Variants in MAP4 observed in about 807,000 individuals in gnomAD.
The protein encoded by MAP4 is microtubule-associated protein 4.
MAP4 carries 76 observed loss-of-function variants against 170.2 expected under a neutral mutation model. The ratio of observed to expected loss-of-function variants is 0.45; its 90% CI spans 0.37 to 0.54. MAP4 has a LOEUF of 0.54. Among genes scored for constraint, MAP4 ranks in the 20% least tolerant of loss-of-function variants. The probability of loss-of-function intolerance (pLI) is 0.00; values close to 1 mark genes in which losing one functional copy is unlikely to be tolerated. For missense variants in MAP4, 2,506 were observed against 2,748.0 expected (o/e 0.91, Z 1.97); for synonymous variants, 909 against 994.5 (o/e 0.91, Z 1.62).
intron 1 of MAP4, among the ~76,000 whole-genome samples, chr3:48,010,376 A>G (rs1252304114): frequency 3.9e-5 from 6 of 152,222 alleles, no homozygotes; most frequent in South Asian, 4.1e-4. Flanking sequence ...CACATGTACT[A>G]ATATCTTCAC....
intron 1 of MAP4, among the ~76,000 whole-genome samples, chr3:48,065,545 C>CTAAA (rs779656114): frequency 3.3e-5 from 5 of 152,212 alleles, no homozygotes; most frequent in Non-Finnish European, 5.9e-5. Flanking sequence ...CCTCTCCAAT[C>CTAAA]TAAACCAAGC....
intron 10 of MAP4, among the ~76,000 whole-genome samples, chr3:47,886,578 C>T (rs138551648): frequency 7.2e-5 from 11 of 152,322 alleles, no homozygotes; most frequent in Admixed American, 3.3e-4. Flanking sequence ...GCTGAGATTA[C>T]AGGCATGAGC....
intron 1 of MAP4, among the ~76,000 whole-genome samples, chr3:48,006,324 T>C (rs548099715): frequency 5.6e-4 from 85 of 152,266 alleles, no homozygotes; most frequent in African/African-American, 1.9e-3. Flanking sequence ...ACCTTTCACT[T>C]TGGGGACTAC....
intron 17 of MAP4, among the ~76,000 whole-genome samples, chr3:47,858,547 C>T (rs2060185895): frequency 6.6e-6 from 1 of 151,128 alleles, no homozygotes; most frequent in Admixed American, 6.6e-5. Context: ...ACTTCTAGTC[C>T]TTTTCAATGC....
chr3:47,931,581 C>A (rs567900504), intron 3 of MAP4, among the ~76,000 whole-genome samples: 2 of 151,852 alleles, frequency 1.3e-5, no homozygotes, highest in East Asian at 3.9e-4. Flanking sequence ...CAAGCTCAAG[C>A]AATCCTCTCA....
intron 3 of MAP4, among the ~76,000 whole-genome samples, chr3:47,966,108 T>C (rs1011649932): frequency 6.6e-6 from 1 of 151,812 alleles, no homozygotes; most frequent in Non-Finnish European, 1.5e-5. Flanking sequence ...TTTCTCTCTG[T>C]CTCCCAGGGT....
intron 10 of MAP4, among the ~76,000 whole-genome samples, chr3:47,879,626 GTGTT>G (rs978034361): frequency 1.2e-4 from 19 of 152,250 alleles, no homozygotes; most frequent in African/African-American, 3.4e-4. Flanking sequence ...GTGTGTGTGT[GTGTT>G]TGTGTGTGTA....
At chr3:47,858,629 TG>T (rs1484954739) in intron 17 of MAP4, among the ~76,000 whole-genome samples, 13 of 150,038 alleles carry the variant, frequency 8.7e-5, no homozygotes, top group Non-Finnish European at 1.2e-4. Context: ...GTTGTGTGTG[TG>T]TGTGTGTGTG....
intron 1 of MAP4, among the ~76,000 whole-genome samples, chr3:48,079,893 T>G (rs1211211867): frequency 6.7e-6 from 1 of 150,244 alleles, no homozygotes; most frequent in Non-Finnish European, 1.5e-5. Context: ...GAGCTTGCAG[T>G]GAGCCGAGAT....
At chr3:48,078,178 G>A (rs1457949880) in intron 1 of MAP4, among the ~76,000 whole-genome samples, 1 of 152,128 alleles carries the variant, frequency 6.6e-6, no homozygotes, top group African/African-American at 2.4e-5. Flanking sequence ...ACAGGGTCTT[G>A]CTCTGTGGCC....
rs1278367052 is a variant in MAP4, at chr3:47,870,865, C to T, written c.6242G>A (p.Arg2081His). 4 of 1,605,520 alleles carry T rather than the reference C, an allele frequency of 2.5e-6. No individual in the cohort carries two copies. The highest frequency in any genetic ancestry group is 1.3e-5 in the African/African-American group (1 of 74,820). ...GTTTTCCGTGGAGCCAACCTTGGAGCGGACATTCTTCAGATCAGGAGCAGA... is the reference window on the plus strand; with the variant it reads ...GTTTTCCGTGGAGCCAACCTTGGAGTGGACATTCTTCAGATCAGGAGCAGA... ...NTSAPDLKNV[R>H]SKVGSTENIK... is the part of the protein sequence containing the mutation. The change falls in exon 15 of 21, where the codon CGC (arginine) becomes CAC (histidine). Residue 2081 changes from arginine to histidine, a missense_variant. By Grantham distance (29) the Arg-to-His change is conservative. Transcript: ENST00000683076.
chr3:47,891,425 G>A, intron 10 of MAP4: 2 of 1,535,340 alleles, frequency 1.3e-6, no homozygotes, highest in Non-Finnish European at 8.7e-7. Context: ...CACAGTCATG[G>A]AGCGCTTCAT....
chr3:47,955,162 C>G (rs1208255346), intron 3 of MAP4, among the ~76,000 whole-genome samples: 2 of 152,162 alleles, frequency 1.3e-5, no homozygotes, highest in Non-Finnish European at 1.5e-5. Flanking sequence ...TAAACTTAAT[C>G]TGGTGATGAT....
intron 2 of MAP4, among the ~76,000 whole-genome samples, chr3:47,988,332 T>C (rs1466015701): frequency 6.6e-6 from 1 of 151,590 alleles, no homozygotes; most frequent in East Asian, 1.9e-4. Context: ...AAAGAACTGA[T>C]GATGCAGGAG....
chr3:48,055,534 G>A (rs62260831), intron 1 of MAP4, among the ~76,000 whole-genome samples: 79,923 of 136,372 alleles, frequency 0.59, 24,137 homozygotes, highest in East Asian at 0.69. Flanking sequence ...GGAGTGCAGT[G>A]GCGTGATCTC....
intron 4 of MAP4, among the ~76,000 whole-genome samples, chr3:47,926,407 C>T (rs2100045982): frequency 6.6e-6 from 1 of 152,028 alleles, no homozygotes; most frequent in Non-Finnish European, 1.5e-5. Flanking sequence ...TGGCCTCGAA[C>T]TCCTGACCTC....
rs979125625 is a variant in MAP4, at chr3:48,031,939, T to C, written c.-19-33060A>G. ...CATAAATCATGCTGACATGATTTGATAGTATGCACCCTTGATATAATGTGA... is the reference window on the plus strand; with the variant it reads ...CATAAATCATGCTGACATGATTTGACAGTATGCACCCTTGATATAATGTGA... On this transcript the variant is annotated intron_variant, in intron 1 of 18. Coordinates refer to the MAP4 transcript ENST00000360240. Among the ~76,000 whole-genome samples, 6 of 152,222 alleles carry C rather than the reference T, an allele frequency of 3.9e-5. No individual in the cohort carries two copies. The South Asian group carries it at 1.0e-3, about 26-fold the overall frequency.
Position 47,992,188 on chromosome 3 carries a change from C to T in MAP4, c.223+6450G>A, listed in dbSNP as rs938414497. On this transcript the variant is annotated intron_variant, in intron 2 of 20. Transcript: ENST00000683076. ...ATGAAACCTGTCATTATGGCAAAAA[C>T]CATCAGTCCGATAATGTATAAAAAT... Among the ~76,000 whole-genome samples the T allele has an allele frequency of 2.0e-5, 3 of 152,114 alleles. No individual in the cohort carries two copies. In the South Asian group the frequency reaches 6.2e-4, roughly 31 times the overall value.
intron 9 of MAP4, among the ~76,000 whole-genome samples, chr3:47,907,156 G>T (rs1236183292): frequency 6.6e-6 from 1 of 152,078 alleles, no homozygotes; most frequent in Non-Finnish European, 1.5e-5. Flanking sequence ...AGTCTTAAAA[G>T]ATCTCTTTAA....
Sources: gnomAD v4.1 joint callset for allele counts (sites outside exome capture counted in the v4.1 genomes callset) on GRCh38, gnomAD v4.1.1 for gene constraint, MANE v1.5 for transcripts, NCBI Gene and HGNC (gene_info 2026-07-23, HGNC 2026-07-21) for gene names.